Variants in SEH1L observed in about 807,000 individuals in gnomAD.
SEH1L encodes SEH1 like nucleoporin, also known as nucleoporin SEH1.
A neutral mutation model predicts 49.5 loss-of-function variants in SEH1L; 18 were observed. The ratio of observed to expected loss-of-function variants is 0.36; its 90% CI spans 0.25 to 0.54. The LOEUF is 0.54. SEH1L is among the 20% of genes least tolerant of loss of function. The pLI is 0.87. For missense variants in SEH1L, 404 were observed against 528.8 expected (o/e 0.76, Z 2.31); for synonymous variants, 169 against 178.1 (o/e 0.95, Z 0.41).
At chr18:12,965,150 C>A (rs1172917633) in intron 4 of SEH1L, among the ~76,000 whole-genome samples, 4 of 150,990 alleles carry the variant, frequency 2.6e-5, no homozygotes, top group Non-Finnish European at 5.9e-5. Context: ...GTAGCTGGGA[C>A]TACAGGTGCC....
At chr18:12,986,407 T>C (rs996078637) in intron 8 of SEH1L, 1 of 985,542 alleles carries the variant, frequency 1.0e-6, no homozygotes, top group African/African-American at 1.7e-5. Context: ...CCATACTATG[T>C]GTATTCCCAG....
At chr18:12,984,936 A>C (rs186054793) in intron 8 of SEH1L, 26 of 247,524 alleles carry the variant, frequency 1.1e-4, no homozygotes, top group Admixed American at 8.9e-4. Flanking sequence ...TTAAAATTTC[A>C]ACTATTTTTA....
chr18:12,977,063 A>G (rs1428451741), intron 5 of SEH1L: 1 of 152,284 alleles, frequency 6.6e-6, no homozygotes, highest in Admixed American at 6.5e-5. Flanking sequence ...AGGCTGCTGC[A>G]GACCACACAG....
chr18:12,948,350 G>A, intron 1 of SEH1L, 118 bp downstream of exon 1: 1 of 756,724 alleles, frequency 1.3e-6, no homozygotes, highest in Non-Finnish European at 2.2e-6. Flanking sequence ...CTGTGGGGTG[G>A]CGGGCGAGCC....
intron 4 of SEH1L, among the ~76,000 whole-genome samples, chr18:12,967,329 C>T (rs747804822): frequency 2.0e-5 from 3 of 152,200 alleles, no homozygotes; most frequent in Admixed American, 6.5e-5. Flanking sequence ...ACAAACTACT[C>T]AGACCTGAAT....
chr18:12,968,981 C>T (rs557832745), intron 4 of SEH1L, among the ~76,000 whole-genome samples: 1 of 152,106 alleles, frequency 6.6e-6, no homozygotes, highest in Non-Finnish European at 1.5e-5. Flanking sequence ...AAGGCTGAGG[C>T]GGGCAGATCA....
rs772296944 is a variant in SEH1L, at chr18:12,986,895, T to C, written c.1104T>C (p.Ala368=). ...TTACCCCTCTGGATTCCCCACGGGCTGGATCGAGATGGTCCAGTTATGCCC... is the reference window on the plus strand; with the variant it reads ...TTACCCCTCTGGATTCCCCACGGGCCGGATCGAGATGGTCCAGTTATGCCC... ...YFFTPLDSPR[A]GSRWSSYAQL... The change falls in exon 9 of 9, where the codon GCT becomes GCC. Residue 368 remains alanine (A), a synonymous_variant. Transcript: ENST00000399892. The C allele has an allele frequency of 6.2e-7, 1 of 1,610,222 alleles. No individual in the cohort carries two copies. The highest frequency in any genetic ancestry group is 8.5e-7 in the Non-Finnish European group (1 of 1,177,490).
At chr18:12,949,115 C>T (rs1279267166) in intron 1 of SEH1L, among the ~76,000 whole-genome samples, 1 of 151,786 alleles carries the variant, frequency 6.6e-6, no homozygotes, top group Non-Finnish European at 1.5e-5. Context: ...CGCCTCGGCG[C>T]CTCGGCCTCC....
chr18:12,971,255 A>C lies in SEH1L; in HGVS notation c.620+4A>C. 6.3e-7 allele frequency: 1 copy of C among 1,585,874 alleles called. No individual in the cohort carries two copies. Among genetic ancestry groups the C allele is most frequent in the Non-Finnish European group, 8.7e-7 (1 of 1,155,600 alleles). On this transcript the variant is annotated splice_donor_region_variant and intron_variant, in intron 5 of 8. Coordinates refer to ENST00000399892, the MANE Select transcript of SEH1L (RefSeq NM_001013437.2). Reference sequence around the variant, plus strand: ...TTGAATATAATGAAAACACCAGGTCAGTCCTGCTTTGGTTTTAATAATTGT... The same window carrying C: ...TTGAATATAATGAAAACACCAGGTCCGTCCTGCTTTGGTTTTAATAATTGT...
At chr18:12,981,849 C>CTTTTTTTTTTTTTTTTTTTTTTTTTT (rs1467685892) in intron 6 of SEH1L, among the ~76,000 whole-genome samples, 4 of 102,526 alleles carry the variant, frequency 3.9e-5, no homozygotes, top group South Asian at 3.1e-4. Context: ...CTGCCCTGCC[C>CTTTTTTTTTTTTTTTTTTTTTTTTTT]ATTTTTTTTT....
chr18:12,982,775 A>G (rs1044781331), intron 7 of SEH1L, 100 bp downstream of exon 7: 2 of 914,910 alleles, frequency 2.2e-6, no homozygotes, highest in Non-Finnish European at 3.3e-6. Flanking sequence ...ATGGTCTTTT[A>G]CAGTTACTTT....
At chr18:12,954,035 G>A (rs1470726568) in intron 2 of SEH1L, among the ~76,000 whole-genome samples, 1 of 151,868 alleles carries the variant, frequency 6.6e-6, no homozygotes, top group Non-Finnish European at 1.5e-5. Flanking sequence ...CCCTGTATAA[G>A]TAAGAATTAA....
intron 3 of SEH1L, among the ~76,000 whole-genome samples, chr18:12,958,467 C>T (rs1244718438): frequency 6.6e-6 from 1 of 152,154 alleles, no homozygotes; most frequent in Non-Finnish European, 1.5e-5. Context: ...GTTATCTGTA[C>T]TCAAAACTGT....
In SEH1L at chr18:12,957,066, C is replaced by CAA. The variant is rs398120193; in HGVS notation, c.309+1470_309+1471dup. On this transcript the variant is annotated intron_variant, in intron 3 of 8. Coordinates refer to ENST00000399892, the MANE Select transcript of SEH1L (RefSeq NM_001013437.2). ...CTGGGCGACGGAGCGAGACTTGTCTCAAAAAAAAAAAAAATTCTATAAAAA... is the reference window on the plus strand; with the variant it reads ...CTGGGCGACGGAGCGAGACTTGTCTCAAAAAAAAAAAAAAAATTCTATAAAAA... Among the ~76,000 whole-genome samples, 1,331 of 140,304 alleles carry CAA rather than the reference C, an allele frequency of 9.5e-3. 23 individuals carry two copies. Among genetic ancestry groups the CAA allele is most frequent in the African/African-American group, 0.033 (1,259 of 38,730 alleles). The allele number at this position is 140,304 out of a possible 152,430, so 92.0% of individuals were successfully genotyped here. A position where few individuals can be genotyped will look rare whatever the true frequency, so the allele number is the denominator to read the frequency against.
At chr18:12,968,767 A>C (rs990151783) in intron 4 of SEH1L, among the ~76,000 whole-genome samples, 3 of 152,180 alleles carry the variant, frequency 2.0e-5, no homozygotes, top group Admixed American at 6.5e-5. Context: ...ATCTGTCTAC[A>C]CTATTCAGTC....
intron 2 of SEH1L, among the ~76,000 whole-genome samples, chr18:12,954,373 C>G (rs2030728328): frequency 6.6e-6 from 1 of 152,190 alleles, no homozygotes; most frequent in Non-Finnish European, 1.5e-5. Context: ...ATTTGCTCTT[C>G]CTACAATAGT....
At chr18:12,983,671 C>T (rs558494068) in intron 7 of SEH1L, among the ~76,000 whole-genome samples, 1 of 152,190 alleles carries the variant, frequency 6.6e-6, no homozygotes, top group Non-Finnish European at 1.5e-5. Flanking sequence ...AAGAAGACAA[C>T]TTCATTACCT....
intron 1 of SEH1L, among the ~76,000 whole-genome samples, chr18:12,951,253 T>G (rs1431520605): frequency 6.6e-6 from 1 of 152,184 alleles, no homozygotes; most frequent in African/African-American, 2.4e-5. Flanking sequence ...CAATGATTAT[T>G]TGTTCTTTCT....
At chr18:12,981,341 G>T (rs1030435788) in intron 6 of SEH1L, among the ~76,000 whole-genome samples, 2 of 152,172 alleles carry the variant, frequency 1.3e-5, no homozygotes, top group Admixed American at 1.3e-4. Context: ...ACTTTGGGGG[G>T]CCAAGGCAGG....
Sources: gnomAD v4.1 joint callset for allele counts (sites outside exome capture counted in the v4.1 genomes callset) on GRCh38, gnomAD v4.1.1 for gene constraint, MANE v1.5 for transcripts, NCBI Gene and HGNC (gene_info 2026-07-23, HGNC 2026-07-21) for gene names.